Variants in TENM3 observed in about 807,000 individuals in gnomAD.
TENM3 encodes the protein teneurin-3.
Under a neutral mutation model 255.1 loss-of-function variants are expected in TENM3, and 63 were observed. The ratio of observed to expected loss-of-function variants is 0.25; its 90% CI spans 0.20 to 0.30. The LOEUF (loss-of-function observed/expected upper bound fraction) is 0.30, where lower values mean the gene tolerates loss of function less well. Ranked by LOEUF, TENM3 falls within the 10% of genes least tolerant of loss-of-function variation. TENM3 has a pLI of 1.00. For missense variants in TENM3, 2,929 were observed against 3,461.1 expected (o/e 0.85, Z 3.86); for synonymous variants, 1,306 against 1,322.3 (o/e 0.99, Z 0.27).
chr4:182,700,215 G>A (rs1036422117), intron 12 of TENM3, among the ~76,000 whole-genome samples: 1 of 152,250 alleles, frequency 6.6e-6, no homozygotes, highest in South Asian at 2.1e-4. Flanking sequence ...ACCTAATGGG[G>A]TAAATAAAAT....
At chr4:181,764,577 T>C in the TENM3 span, among the ~76,000 whole-genome samples, 2 of 152,214 alleles carry the variant, frequency 1.3e-5, no homozygotes, top group African/African-American at 4.8e-5. Flanking sequence ...ATTCTGCACA[T>C]GATTGTTAAG....
the TENM3 span, among the ~76,000 whole-genome samples, chr4:181,846,188 A>G: frequency 2.0e-5 from 3 of 152,192 alleles, no homozygotes; most frequent in East Asian, 5.8e-4. Flanking sequence ...CTTATTGTCT[A>G]AAATTCATAA....
chr4:181,964,349 G>A, the TENM3 span, among the ~76,000 whole-genome samples: 3,675 of 152,112 alleles, frequency 0.024, 171 homozygotes, highest in African/African-American at 0.084. Context: ...TTCAATCTCC[G>A]GTAAGCTACT....
At chr4:181,611,018 C>T in the TENM3 span, among the ~76,000 whole-genome samples, 5 of 152,116 alleles carry the variant, frequency 3.3e-5, no homozygotes, top group Non-Finnish European at 5.9e-5. Context: ...TGATTTTAGC[C>T]AAATTAGTAG....
intron 21 of TENM3, 51 bp downstream of exon 21, chr4:182,753,655 T>G: frequency 6.4e-7 from 1 of 1,568,264 alleles, no homozygotes; most frequent in Non-Finnish European, 8.7e-7. Flanking sequence ...GTGACTTGAC[T>G]TATTCAGTCG....
the TENM3 span, among the ~76,000 whole-genome samples, chr4:181,481,579 A>G: frequency 6.6e-6 from 1 of 152,162 alleles, no homozygotes. Context: ...CAGTGATGCA[A>G]CTAAGGCCCA....
At chr4:182,495,609 G>T (rs894896398) in intron 3 of TENM3, among the ~76,000 whole-genome samples, 1 of 152,184 alleles carries the variant, frequency 6.6e-6, no homozygotes, top group Non-Finnish European at 1.5e-5. Flanking sequence ...GAAAGCATAG[G>T]CTGTTGTGGT....
At chr4:181,506,656 C>G in the TENM3 span, among the ~76,000 whole-genome samples, 2 of 151,758 alleles carry the variant, frequency 1.3e-5, no homozygotes, top group South Asian at 4.2e-4. Flanking sequence ...ATGCATGTCA[C>G]AGAGTAAAAA....
chr4:181,704,921 C>T, the TENM3 span, among the ~76,000 whole-genome samples: 49 of 151,812 alleles, frequency 3.2e-4, no homozygotes, highest in Admixed American at 7.9e-4. Context: ...CCTGGCTATT[C>T]GGGAGGCTGA....
the TENM3 span, among the ~76,000 whole-genome samples, chr4:181,525,744 C>G: frequency 6.6e-6 from 1 of 152,156 alleles, no homozygotes; most frequent in African/African-American, 2.4e-5. Flanking sequence ...CTCCTTTTCT[C>G]AAATGTAGCA....
At chr4:182,491,264 C>T (rs184712660) in intron 3 of TENM3, among the ~76,000 whole-genome samples, 1 of 152,178 alleles carries the variant, frequency 6.6e-6, no homozygotes, top group Non-Finnish European at 1.5e-5. Context: ...AATCGTGGTT[C>T]GGCTTGGGGC....
chr4:181,778,886 G>A, the TENM3 span, among the ~76,000 whole-genome samples: 2 of 151,994 alleles, frequency 1.3e-5, no homozygotes, highest in Non-Finnish European at 2.9e-5. Context: ...ATAGAGATGA[G>A]GAACTACTGT....
the TENM3 span, among the ~76,000 whole-genome samples, chr4:181,604,461 G>A: frequency 2.0e-5 from 3 of 151,664 alleles, no homozygotes; most frequent in African/African-American, 7.3e-5. Context: ...TTCCCAGGGG[G>A]GACATCTCAG....
chr4:181,490,442 A>G, the TENM3 span, among the ~76,000 whole-genome samples: 3 of 151,818 alleles, frequency 2.0e-5, no homozygotes, highest in African/African-American at 4.8e-5. Context: ...TAATACTGCA[A>G]ACATCTTTAT....
At chr4:181,911,910 A>G in the TENM3 span, among the ~76,000 whole-genome samples, 2 of 152,248 alleles carry the variant, frequency 1.3e-5, no homozygotes, top group Non-Finnish European at 2.9e-5. Context: ...TTAGAAATCA[A>G]TTAGATTAGA....
intron 3 of TENM3, among the ~76,000 whole-genome samples, chr4:182,527,303 TG>T (rs1238643376): frequency 6.6e-6 from 1 of 152,220 alleles, no homozygotes; most frequent in African/African-American, 2.4e-5. Flanking sequence ...ACTTGCTTGC[TG>T]CCAGGTAAGA....
At chr4:182,769,329 C>A (rs1184614340) in intron 22 of TENM3, among the ~76,000 whole-genome samples, 1 of 152,024 alleles carries the variant, frequency 6.6e-6, no homozygotes, top group Non-Finnish European at 1.5e-5. Context: ...TAGTCAGAGT[C>A]CCCGGGTCAT....
chr4:181,793,121 C>CT, the TENM3 span, among the ~76,000 whole-genome samples: 1 of 152,132 alleles, frequency 6.6e-6, no homozygotes, highest in Non-Finnish European at 1.5e-5. Context: ...CTCTCCTTGC[C>CT]CCTTTGAAGC....
At chr4:182,620,883 C>T (rs1213592522) in intron 4 of TENM3, among the ~76,000 whole-genome samples, 1 of 151,980 alleles carries the variant, frequency 6.6e-6, no homozygotes, top group East Asian at 2.0e-4. Flanking sequence ...TGCATGGCAC[C>T]ATGCTAGGCT....
Sources: allele counts gnomAD v4.1 joint callset (sites outside exome capture counted in the v4.1 genomes callset), GRCh38; gene constraint gnomAD v4.1.1; transcripts MANE v1.5; gene names NCBI Gene and HGNC (gene_info 2026-07-23, HGNC 2026-07-21).